The following DPP10 variants were observed in gnomAD, a reference collection of about 807,000 sequenced individuals.
DPP10 encodes inactive dipeptidyl peptidase 10.
A neutral mutation model predicts 120.9 loss-of-function variants in DPP10; 33 were observed. The ratio of observed to expected loss-of-function variants is 0.27; its 90% CI spans 0.21 to 0.37. The LOEUF is 0.37. Ranked by LOEUF, DPP10 falls within the 10% of genes least tolerant of loss-of-function variation. The pLI is 1.00. For missense variants in DPP10, 816 were observed against 942.8 expected (o/e 0.87, Z 1.76); for synonymous variants, 337 against 326.1 (o/e 1.03, Z -0.36).
intron 1 of DPP10, among the ~76,000 whole-genome samples, chr2:114,476,623 G>A (rs1012438955): frequency 6.6e-6 from 1 of 152,152 alleles, no homozygotes; most frequent in African/African-American, 2.4e-5. Context: ...TATAATCATT[G>A]AATCATATGC....
chr2:114,818,575 G>A (rs563304586), intron 1 of DPP10, among the ~76,000 whole-genome samples: 12 of 151,968 alleles, frequency 7.9e-5, no homozygotes, highest in African/African-American at 2.7e-4. Context: ...TTTCCTAGTT[G>A]TCTTGCAGTG....
chr2:115,754,450 A>G (rs1376611719), intron 11 of DPP10, among the ~76,000 whole-genome samples: 1 of 152,162 alleles, frequency 6.6e-6, no homozygotes, highest in African/African-American at 2.4e-5. Context: ...GTTCTGAACA[A>G]CAATAGTGAA....
chr2:115,540,473 AAT>A (rs2079112030), intron 5 of DPP10, among the ~76,000 whole-genome samples: 1 of 151,826 alleles, frequency 6.6e-6, no homozygotes, highest in Admixed American at 6.6e-5. Flanking sequence ...ATTGGGAGAA[AAT>A]ATGCATTTTC....
At chr2:115,821,235 C>G (rs756646997) in intron 21 of DPP10, among the ~76,000 whole-genome samples, 3 of 152,082 alleles carry the variant, frequency 2.0e-5, no homozygotes, top group Non-Finnish European at 4.4e-5. Flanking sequence ...TCATCAATTT[C>G]TCCTTATTAA....
chr2:114,930,163 G>A (rs1299258546), intron 1 of DPP10, among the ~76,000 whole-genome samples: 1 of 152,228 alleles, frequency 6.6e-6, no homozygotes, highest in East Asian at 1.9e-4. Context: ...TTGACTATTA[G>A]CACCTGACTC....
At chr2:115,020,286 A>C (rs916725990) in intron 1 of DPP10, among the ~76,000 whole-genome samples, 4 of 152,204 alleles carry the variant, frequency 2.6e-5, no homozygotes, top group Admixed American at 2.6e-4. Context: ...ATAAGGACTC[A>C]CATAAACTTT....
chr2:115,526,946 C>A (rs1372453873), intron 5 of DPP10, among the ~76,000 whole-genome samples: 3 of 152,038 alleles, frequency 2.0e-5, no homozygotes, highest in African/African-American at 7.2e-5. Flanking sequence ...GTTGTCTTAT[C>A]TTTTGCTTTG....
chr2:115,808,511 T>G (rs1042097193), intron 19 of DPP10, among the ~76,000 whole-genome samples: 20 of 152,184 alleles, frequency 1.3e-4, no homozygotes, highest in Non-Finnish European at 2.6e-4. Context: ...CCAGGCACTT[T>G]ACGCAGCTAC....
chr2:114,801,262 C>CAAAAAAAA (rs1174819592), intron 1 of DPP10, among the ~76,000 whole-genome samples: 6 of 59,522 alleles, frequency 1.0e-4, no homozygotes, highest in African/African-American at 2.2e-4. Context: ...GACTCTGTAT[C>CAAAAAAAA]AAAAAAAAAA....
At chr2:115,622,342 G>T (rs544825221) in intron 5 of DPP10, among the ~76,000 whole-genome samples, 1 of 152,198 alleles carries the variant, frequency 6.6e-6, no homozygotes, top group African/African-American at 2.4e-5. Context: ...CATAGGTGTT[G>T]TAGCATCTAT....
chr2:114,902,359 AC>A (rs1693647897), intron 1 of DPP10, among the ~76,000 whole-genome samples: 1 of 152,150 alleles, frequency 6.6e-6, no homozygotes, highest in African/African-American at 2.4e-5. Flanking sequence ...CTTCAATGCT[AC>A]CTGTGTCATA....
At chr2:114,443,682 G>T (rs143108694) in intron 1 of DPP10, among the ~76,000 whole-genome samples, 1 of 145,360 alleles carries the variant, frequency 6.9e-6, no homozygotes, top group Admixed American at 7.0e-5. Context: ...TGATGGATTC[G>T]TCTGAAACTC....
intron 1 of DPP10, among the ~76,000 whole-genome samples, chr2:115,034,956 G>A (rs2105265490): frequency 6.6e-6 from 1 of 152,282 alleles, no homozygotes; most frequent in Non-Finnish European, 1.5e-5. Flanking sequence ...AACTCAAGTG[G>A]GGTCAGGCAC....
chr2:115,625,673 G>A (rs1410568791), intron 5 of DPP10, among the ~76,000 whole-genome samples: 1 of 152,172 alleles, frequency 6.6e-6, no homozygotes, highest in African/African-American at 2.4e-5. Context: ...ACAACTCCAT[G>A]TTTAGGCATG....
intron 1 of DPP10, among the ~76,000 whole-genome samples, chr2:115,234,978 T>TAA (rs1165585196): frequency 8.5e-5 from 13 of 152,322 alleles, no homozygotes; most frequent in Non-Finnish European, 1.5e-4. Context: ...ATGATCTCTC[T>TAA]GGGATAAGAA....
chr2:115,280,700 A>AT (rs1341921190), intron 1 of DPP10, among the ~76,000 whole-genome samples: 39 of 152,140 alleles, frequency 2.6e-4, no homozygotes, highest in Admixed American at 6.6e-4. Flanking sequence ...GAAAAACTCA[A>AT]TTTTTCCCAT....
At chr2:114,649,750 A>T (rs987139338) in intron 1 of DPP10, among the ~76,000 whole-genome samples, 1 of 152,220 alleles carries the variant, frequency 6.6e-6, no homozygotes, top group African/African-American at 2.4e-5. Context: ...AGTAGGGATC[A>T]AACTTTTATT....
chr2:115,621,897 C>CA (rs1332655381), intron 5 of DPP10, among the ~76,000 whole-genome samples: 1 of 152,080 alleles, frequency 6.6e-6, no homozygotes, highest in Non-Finnish European at 1.5e-5. Context: ...AGGCTGGTCT[C>CA]AAACTCCTGA....
intron 1 of DPP10, among the ~76,000 whole-genome samples, chr2:115,290,071 G>A (rs1212983513): frequency 6.6e-6 from 1 of 152,110 alleles, no homozygotes; most frequent in Admixed American, 6.6e-5. Context: ...CCTACAGAAT[G>A]GGAGAAAACG....
Sources: allele counts gnomAD v4.1 joint callset (sites outside exome capture counted in the v4.1 genomes callset), GRCh38; gene constraint gnomAD v4.1.1; transcripts MANE v1.5; gene names NCBI Gene and HGNC (gene_info 2026-07-23, HGNC 2026-07-21).